FBXW8: variants seen among roughly 807,000 people sequenced by gnomAD.
The protein encoded by FBXW8 is F-box and WD repeat domain containing 8.
A neutral mutation model predicts 65.3 loss-of-function variants in FBXW8; 57 were observed. The observed-to-expected ratio is 0.87, with a 90% CI of 0.71 to 1.09. The LOEUF (loss-of-function observed/expected upper bound fraction) is 1.09, where lower values mean the gene tolerates loss of function less well. Ranked by LOEUF, FBXW8 falls within the 50% of genes least tolerant of loss-of-function variation. FBXW8 has a pLI of 0.00. For missense variants in FBXW8, 777 were observed against 814.8 expected (o/e 0.95, Z 0.57); for synonymous variants, 308 against 330.2 (o/e 0.93, Z 0.73).
intron 2 of FBXW8, among the ~76,000 whole-genome samples, chr12:116,942,954 T>C (rs1882704816): frequency 6.6e-6 from 1 of 151,856 alleles, no homozygotes; most frequent in South Asian, 2.1e-4. Context: ...ATTTTTTGTA[T>C]TTTTAGTAGA....
At chr12:116,965,626 T>C (rs1180660044) in intron 5 of FBXW8, among the ~76,000 whole-genome samples, 2 of 152,204 alleles carry the variant, frequency 1.3e-5, no homozygotes, top group African/African-American at 4.8e-5. Context: ...GTTCATGTCA[T>C]GGCACCACTG....
chr12:116,955,325 A>G (rs1883575805), intron 4 of FBXW8, among the ~76,000 whole-genome samples: 1 of 152,160 alleles, frequency 6.6e-6, no homozygotes, highest in African/African-American at 2.4e-5. Flanking sequence ...ACTGCGACTG[A>G]GACATTCAGA....
chr12:116,962,324 C>T (rs188805221), intron 4 of FBXW8, among the ~76,000 whole-genome samples: 241 of 152,332 alleles, frequency 1.6e-3, no homozygotes, highest in African/African-American at 5.6e-3. Flanking sequence ...TTTCACAGCT[C>T]ACTATTGTCT....
chr12:116,998,066 T>C (rs1166035355), intron 7 of FBXW8, among the ~76,000 whole-genome samples: 4 of 152,114 alleles, frequency 2.6e-5, no homozygotes, highest in Non-Finnish European at 5.9e-5. Context: ...TGATCCGCCT[T>C]CCTTAGCCTC....
intron 7 of FBXW8, among the ~76,000 whole-genome samples, chr12:117,002,109 T>G (rs1158585024): frequency 6.6e-6 from 1 of 152,242 alleles, no homozygotes; most frequent in Admixed American, 6.5e-5. Flanking sequence ...TCCGGTCCTT[T>G]GTAGACATCT....
At chr12:116,997,131 T>G (rs1452772708) in intron 7 of FBXW8, among the ~76,000 whole-genome samples, 1 of 152,208 alleles carries the variant, frequency 6.6e-6, no homozygotes, top group Non-Finnish European at 1.5e-5. Context: ...ACAGTTCTTC[T>G]CACTTGTGAA....
intron 2 of FBXW8, among the ~76,000 whole-genome samples, chr12:116,940,587 G>C (rs1024133899): frequency 6.6e-6 from 1 of 151,016 alleles, no homozygotes; most frequent in Non-Finnish European, 1.5e-5. Context: ...GGAAGAGAAT[G>C]TGAACGGTGA....
At chr12:116,964,065 A>C (rs1884157395) in intron 4 of FBXW8, among the ~76,000 whole-genome samples, 1 of 152,232 alleles carries the variant, frequency 6.6e-6, no homozygotes, top group African/African-American at 2.4e-5. Context: ...TAGTCATAGG[A>C]GAGAGTGAGT....
intron 4 of FBXW8, 39 bp downstream of exon 4, chr12:116,949,745 A>C: frequency 6.3e-7 from 1 of 1,591,600 alleles, no homozygotes; most frequent in Non-Finnish European, 8.6e-7. Flanking sequence ...CTGCATCTGA[A>C]GGTCTTTCAT....
chr12:116,967,149 T>G (rs1466471038), intron 5 of FBXW8, among the ~76,000 whole-genome samples: 1 of 151,794 alleles, frequency 6.6e-6, no homozygotes, highest in African/African-American at 2.4e-5. Flanking sequence ...CTCTGTATAC[T>G]TCTCTGCACC....
chr12:116,942,870 C>T (rs749650153), intron 2 of FBXW8, among the ~76,000 whole-genome samples: 19 of 138,650 alleles, frequency 1.4e-4, no homozygotes, highest in African/African-American at 3.5e-4. Context: ...CTCTGCCTCC[C>T]GGGTTCAAAT....
chr12:116,945,578 A>T, intron 3 of FBXW8, 50 bp downstream of exon 3: 7 of 1,562,908 alleles, frequency 4.5e-6, no homozygotes, highest in Non-Finnish European at 5.2e-6. Flanking sequence ...CTGCAAGGAC[A>T]TGGGAATCCA....
intron 8 of FBXW8, among the ~76,000 whole-genome samples, chr12:117,020,709 GT>G (rs1954073464): frequency 6.6e-6 from 1 of 152,206 alleles, no homozygotes; most frequent in African/African-American, 2.4e-5. Context: ...CCTTCAGTGT[GT>G]TTGATGAAAC....
In FBXW8 at chr12:117,024,277, T is replaced by G. The variant is rs1040946192; in HGVS notation, c.1498T>G (p.Trp500Gly). ...AGGCGAGGAAGGCCTGGTGTCCGTG[T>G]GGGATTATCGGATGAACCAGAAGCT... ...SGGEEGLVSV[W>G]DYRMNQKLWE... is the part of the protein sequence containing the mutation. Residue 500 changes from tryptophan (W) to glycine (G), a missense_variant, in exon 9 of 11, where the codon TGG becomes GGG. Coordinates refer to ENST00000652555, the MANE Select transcript of FBXW8 (RefSeq NM_153348.3). 2 of 1,614,162 alleles carry G rather than the reference T, an allele frequency of 1.2e-6. No homozygotes were observed. The highest frequency in any genetic ancestry group is 1.7e-6 in the Non-Finnish European group (2 of 1,180,028).
intron 1 of FBXW8, among the ~76,000 whole-genome samples, chr12:116,913,169 G>C (rs1370761543): frequency 6.7e-6 from 1 of 150,110 alleles, no homozygotes; most frequent in African/African-American, 2.5e-5. Context: ...CTGATGACTG[G>C]TATGATCAGG....
chr12:117,025,986 G>A (rs141254690), intron 9 of FBXW8, among the ~76,000 whole-genome samples: 6 of 152,342 alleles, frequency 3.9e-5, no homozygotes, highest in South Asian at 4.1e-4. Context: ...TGTCCCCCAC[G>A]TGGTCACTGT....
chr12:116,954,940 C>T lies in FBXW8; in HGVS notation c.677+5234C>T, dbSNP rs141448956. Among the ~76,000 whole-genome samples, 51 of 151,584 alleles carry T rather than the reference C, an allele frequency of 3.4e-4. 1 individual carries two copies. In the South Asian group the frequency reaches 3.6e-3, roughly 11 times the overall value. On this transcript the variant is annotated intron_variant, in intron 4 of 10. Coordinates refer to ENST00000652555, the MANE Select transcript of FBXW8 (RefSeq NM_153348.3). ...CTGTGCTGCACTCTCAGAGGTCACCCGTGATCTTTTGGTCAACAAACCAAT... is the reference window on the plus strand; with the variant it reads ...CTGTGCTGCACTCTCAGAGGTCACCTGTGATCTTTTGGTCAACAAACCAAT...
At chr12:116,939,299 C>T (rs11068247) in intron 2 of FBXW8, among the ~76,000 whole-genome samples, 4,386 of 152,238 alleles carry the variant, frequency 0.029, 182 homozygotes, top group East Asian at 0.19. Flanking sequence ...ATAATGCAAA[C>T]GTCTGAAATC....
intron 7 of FBXW8, among the ~76,000 whole-genome samples, chr12:116,994,038 A>T (rs1953315405): frequency 6.6e-6 from 1 of 152,214 alleles, no homozygotes; most frequent in Non-Finnish European, 1.5e-5. Flanking sequence ...ATGGAACCAA[A>T]AAGAGCCCAA....
Sources: allele counts gnomAD v4.1 joint callset (sites outside exome capture counted in the v4.1 genomes callset), GRCh38; gene constraint gnomAD v4.1.1; transcripts MANE v1.5; gene names NCBI Gene and HGNC (gene_info 2026-07-23, HGNC 2026-07-21).